The following SYNE2 variants were observed in gnomAD, a reference collection of about 807,000 sequenced individuals.
SYNE2 encodes the protein spectrin repeat containing nuclear envelope protein 2, also known as nesprin-2.
A neutral mutation model predicts 856.3 loss-of-function variants in SYNE2; 431 were observed. The ratio of observed to expected loss-of-function variants is 0.50; its 90% CI spans 0.47 to 0.55. The LOEUF (loss-of-function observed/expected upper bound fraction) is 0.55, where lower values mean the gene tolerates loss of function less well. SYNE2 is among the 20% of genes least tolerant of loss of function. The probability of loss-of-function intolerance (pLI) is 0.00; values close to 1 mark genes in which losing one functional copy is unlikely to be tolerated. For missense variants in SYNE2, 8,129 were observed against 8,023.2 expected (o/e 1.01, Z -0.50); for synonymous variants, 2,923 against 2,872.3 (o/e 1.02, Z -0.56).
chr14:64,177,257 A>C, intron 95 of SYNE2, 101 bp from the exon 96 acceptor site: 1 of 1,478,334 alleles, frequency 6.8e-7, no homozygotes, highest in East Asian at 2.4e-5. Flanking sequence ...ATTAAAAACA[A>C]ACTTAATAGA....
chr14:63,940,721 C>A, intron 3 of SYNE2, 46 bp downstream of exon 3: 2 of 1,551,224 alleles, frequency 1.3e-6, no homozygotes, highest in Non-Finnish European at 1.8e-6. Context: ...ATTTATTACT[C>A]CCCCTACTCC....
chr14:63,882,080 G>T (rs2094878446), intron 1 of SYNE2, among the ~76,000 whole-genome samples: 1 of 152,170 alleles, frequency 6.6e-6, no homozygotes, highest in Admixed American at 6.5e-5. Flanking sequence ...TGTGATGCAG[G>T]TGGAGCCGTA....
chr14:64,055,459 C>T (rs538290355), intron 48 of SYNE2, among the ~76,000 whole-genome samples: 1 of 150,860 alleles, frequency 6.6e-6, no homozygotes, highest in South Asian at 2.1e-4. Context: ...ACCTCCGCCT[C>T]CCGGGTTCAC....
At chr14:64,021,780 C>T in intron 36 of SYNE2, 77 bp from the exon 37 acceptor site, 1 of 1,504,472 alleles carries the variant, frequency 6.6e-7, no homozygotes, top group Non-Finnish European at 9.2e-7. Flanking sequence ...TTTTACAAAA[C>T]AATTGAGATC....
intron 1 of SYNE2, among the ~76,000 whole-genome samples, 191 bp downstream of exon 1, chr14:63,853,334 G>C (rs917359274): frequency 6.6e-6 from 1 of 151,882 alleles, no homozygotes; most frequent in Admixed American, 6.6e-5. Flanking sequence ...GGGAGAGCGG[G>C]GTGCGCGGAG....
At chr14:64,209,620 C>T in intron 102 of SYNE2, 42 bp downstream of exon 102, 2 of 1,611,676 alleles carry the variant, frequency 1.2e-6, no homozygotes, top group Non-Finnish European at 8.5e-7. Flanking sequence ...CATAACCAAG[C>T]CTGCAGCGAG....
At chr14:63,888,634 G>A (rs1595452347) in intron 1 of SYNE2, among the ~76,000 whole-genome samples, 1 of 152,148 alleles carries the variant, frequency 6.6e-6, no homozygotes, top group East Asian at 1.9e-4. Flanking sequence ...GTAGTGCCTG[G>A]AACATACAAA....
At chr14:63,821,280 A>C (rs1889201264) in intron 1 of SYNE2, among the ~76,000 whole-genome samples, 1 of 152,206 alleles carries the variant, frequency 6.6e-6, no homozygotes. Flanking sequence ...TTTTGGATCT[A>C]TTAAAGTTAA....
intron 58 of SYNE2, among the ~76,000 whole-genome samples, chr14:64,088,702 C>G (rs545287595): frequency 6.6e-6 from 1 of 152,302 alleles, no homozygotes; most frequent in Non-Finnish European, 1.5e-5. Flanking sequence ...TTGCCAGCCT[C>G]TGGATTTTTA....
Position 64,221,671 on chromosome 14 carries a change from C to T in SYNE2, c.20157C>T (p.Pro6719=), listed in dbSNP as rs2098694690. 1 of 1,614,170 alleles carries T rather than the reference C, an allele frequency of 6.2e-7. No individual in the cohort carries two copies. Among genetic ancestry groups the T allele is most frequent in the South Asian group, 1.1e-5 (1 of 91,090 alleles). The change falls in exon 112 of 116, where the codon CCC becomes CCT. Residue 6719 remains proline (P), a synonymous_variant. Coordinates refer to ENST00000555002, the MANE Select transcript of SYNE2 (RefSeq NM_182914.3). ...KAHVTDPKAD[P]RALLECRREL... ...ATGTCACCGATCCAAAGGCAGACCCCCGGGCTCTCCTAGAGTGTCGGAGGG... is the reference window on the plus strand; with the variant it reads ...ATGTCACCGATCCAAAGGCAGACCCTCGGGCTCTCCTAGAGTGTCGGAGGG...
At position 64,119,566 on chromosome 14, in the gene SYNE2, A is replaced by G; in HGVS notation, c.12980A>G (p.Glu4327Gly). The G allele has an allele frequency of 1.9e-6, 3 of 1,614,210 alleles. No homozygotes were observed. Among genetic ancestry groups the G allele is most frequent in the Non-Finnish European group, 2.5e-6 (3 of 1,180,034 alleles). The change falls in exon 67 of 116, where the codon GAA (glutamate) becomes GGA (glycine). Residue 4327 changes from glutamate to glycine, a missense_variant. Physicochemically the swap from Glu to Gly is moderately conservative, Grantham distance 98 (BLOSUM62 -2). Around this residue, in one of 3 missense-constraint regions of SYNE2, gnomAD observed 5,410 missense variants for 5,284.8 expected, o/e 1.02. Coordinates refer to ENST00000555002, the MANE Select transcript of SYNE2 (RefSeq NM_182914.3). ...CTGAAAACAGTGAAGTGCAATTTAG[A>G]AAAAGTCCAGATGATGCTTCAGGAG... is the stretch of plus-strand genomic sequence containing the variant. ...LKLKTVKCNL[E>G]KVQMMLQEKH...
At chr14:64,030,578 G>A (rs2097025692) in intron 44 of SYNE2, among the ~76,000 whole-genome samples, 1 of 152,140 alleles carries the variant, frequency 6.6e-6, no homozygotes, top group African/African-American at 2.4e-5. Flanking sequence ...TAGTACACTA[G>A]GTGAATTTCT....
chr14:64,084,261 T>C (rs2153616171), intron 57 of SYNE2: 1 of 152,324 alleles, frequency 6.6e-6, no homozygotes, highest in South Asian at 2.1e-4. Context: ...ATAATTTACA[T>C]ACAGTAAAAA....
chr14:63,806,869 C>T (rs1331561665), intron 1 of SYNE2, among the ~76,000 whole-genome samples: 1 of 149,330 alleles, frequency 6.7e-6, no homozygotes, highest in African/African-American at 2.5e-5. Flanking sequence ...CCTTTTTAAA[C>T]TTAAAATTTT....
intron 94 of SYNE2, among the ~76,000 whole-genome samples, chr14:64,172,934 G>GA (rs11369182): frequency 2.7e-3 from 384 of 142,466 alleles, no homozygotes; most frequent in Middle Eastern, 7.3e-3. Context: ...GACCTGTCTG[G>GA]AAAAAAAAAA....
intron 99 of SYNE2, chr14:64,191,014 C>T: frequency 1.4e-6 from 1 of 702,252 alleles, no homozygotes. Flanking sequence ...CCACTGGCCA[C>T]ACGGGTCCTT....
intron 85 of SYNE2, among the ~76,000 whole-genome samples, chr14:64,156,242 G>C (rs1241112030): frequency 6.6e-6 from 1 of 152,102 alleles, no homozygotes; most frequent in Non-Finnish European, 1.5e-5. Flanking sequence ...GGTGCTAGAA[G>C]TTCCACCACC....
At chr14:64,131,497 T>C (rs1422800226) in intron 76 of SYNE2, among the ~76,000 whole-genome samples, 1 of 152,240 alleles carries the variant, frequency 6.6e-6, no homozygotes, top group African/African-American at 2.4e-5. Context: ...TGTGGGTTGC[T>C]TGAGTTTGCA....
chr14:63,962,381 T>G (rs2096331614), intron 9 of SYNE2, among the ~76,000 whole-genome samples: 2 of 152,096 alleles, frequency 1.3e-5, no homozygotes, highest in African/African-American at 4.8e-5. Flanking sequence ...TATTATAATA[T>G]TTATTTCCTT....
Sources: gnomAD v4.1 joint callset for allele counts (sites outside exome capture counted in the v4.1 genomes callset) on GRCh38, gnomAD v4.1.1 for gene constraint, gnomAD v4.1.1 regional missense constraint, MANE v1.5 for transcripts, NCBI Gene and HGNC (gene_info 2026-07-23, HGNC 2026-07-21) for gene names.